The following KCNK12 variants were observed in gnomAD, a reference collection of about 807,000 sequenced individuals.
KCNK12 encodes potassium channel subfamily K member 12.
KCNK12 carries 6 observed loss-of-function variants against 25.3 expected under a neutral mutation model. The ratio of observed to expected loss-of-function variants is 0.24; its 90% CI spans 0.13 to 0.47. The LOEUF is 0.47. Among genes scored for constraint, KCNK12 ranks in the 20% least tolerant of loss-of-function variants. The pLI, the probability that KCNK12 is intolerant of heterozygous loss-of-function variation, is 0.99. For missense variants in KCNK12, 444 were observed against 661.7 expected, an observed-to-expected ratio of 0.67 and a Z score of 3.61; for synonymous variants, 331 against 311.1, an observed-to-expected ratio of 1.06 and a Z score of -0.67.
chr2:47,554,130 C>G (rs564960337), intron 1 of KCNK12, among the ~76,000 whole-genome samples: 3 of 152,272 alleles, frequency 2.0e-5, no homozygotes, highest in South Asian at 2.1e-4. Flanking sequence ...AAAATGGAAG[C>G]TTTGGAAGTT....
In KCNK12 at chr2:47,520,689, C is replaced by T; in HGVS notation, c.*218G>A. 2.6e-6 allele frequency: 1 copy of T among 388,416 alleles called. No homozygotes were observed. Among genetic ancestry groups the T allele is most frequent in the South Asian group, 1.4e-4 (1 of 6,988 alleles). The allele number at this position is 388,416 out of a possible 1,614,324, so 24.1% of individuals were successfully genotyped here. A position where few individuals can be genotyped will look rare whatever the true frequency, so the allele number is the denominator to read the frequency against. ...CTGAAGGAGAATCTGCTGGGGGCCA[C>T]GGTTCTCCAAGAGGGGACTCACAAG... On this transcript the variant is annotated 3_prime_UTR_variant, in exon 2 of 2. Coordinates refer to ENST00000327876, the MANE Select transcript of KCNK12 (RefSeq NM_022055.2). This position sits in a 1 kb window ranked among gnomAD's most constrained non-coding sequence, Gnocchi z 5.0.
intron 1 of KCNK12, chr2:47,563,149 C>T (rs2104891611): frequency 4.3e-6 from 1 of 233,320 alleles, no homozygotes; most frequent in Non-Finnish European, 8.5e-6. Context: ...CCAAGGCTAC[C>T]ACCACCATCT....
rs72812322 is a variant in KCNK12 at position 47,510,029 on chromosome 2, C to A, written c.*10878G>T. 1 of 152,242 alleles carries A rather than the reference C, an allele frequency of 6.6e-6. No individual in the cohort carries two copies. The highest frequency in any genetic ancestry group is 1.5e-5 in the Non-Finnish European group (1 of 68,068). The allele number at this position is 152,242 out of a possible 1,614,324, so 9.4% of individuals were successfully genotyped here. On this transcript the variant is annotated 3_prime_UTR_variant, in exon 2 of 2. Transcript: ENST00000327876. Reference sequence around the variant, plus strand: ...AAAGCACAACACTCTCTCCCTCCCTCCCTTATAGGTGGTGACGATCATGTG... The same window carrying A: ...AAAGCACAACACTCTCTCCCTCCCTACCTTATAGGTGGTGACGATCATGTG...
Position 47,540,272 on chromosome 2 carries a change from T to G in KCNK12, c.392-18464A>C, listed in dbSNP as rs902667240. On this transcript the variant is annotated intron_variant, in intron 1 of 1. Transcript: ENST00000327876. The surrounding 1 kb of genome is among the most constrained non-coding windows in gnomAD (Gnocchi z 5.4). Reference sequence around the variant, plus strand: ...CAGTGTCAACCCCCTCCCTCATGTGTGTACTCACAGCTACTCACTTTCCTA... The same window carrying G: ...CAGTGTCAACCCCCTCCCTCATGTGGGTACTCACAGCTACTCACTTTCCTA... Among the ~76,000 whole-genome samples the G allele has an allele frequency of 1.3e-5, 2 of 152,154 alleles. No individual in the cohort carries two copies. Among genetic ancestry groups the G allele is most frequent in the Non-Finnish European group, 2.9e-5 (2 of 68,032 alleles).
chr2:47,520,245 GACTA>G lies in KCNK12; in HGVS notation c.*658_*661del, dbSNP rs1486541873. On this transcript the variant is annotated 3_prime_UTR_variant, in exon 2 of 2. Transcript: ENST00000327876. The surrounding 1 kb of genome is among the most constrained non-coding windows in gnomAD (Gnocchi z 5.0). Reference sequence around the variant, plus strand: ...GCTGCCCTGTGCTCTGTGCTAAATGGACTAACTCTGAGCTGAGAAAGGCCAGCTA... The same window carrying G: ...GCTGCCCTGTGCTCTGTGCTAAATGGACTCTGAGCTGAGAAAGGCCAGCTA... 1 of 152,218 alleles carries G rather than the reference GACTA, an allele frequency of 6.6e-6. No homozygotes were observed. The highest frequency in any genetic ancestry group is 2.4e-5 in the African/African-American group (1 of 41,440). The allele number at this position is 152,218 out of a possible 1,614,324, so 9.4% of individuals were successfully genotyped here. A position where few individuals can be genotyped will look rare whatever the true frequency, so the allele number is the denominator to read the frequency against.
chr2:47,539,957 T>C (rs536683636), intron 1 of KCNK12, among the ~76,000 whole-genome samples: 2 of 152,106 alleles, frequency 1.3e-5, no homozygotes, highest in Non-Finnish European at 2.9e-5. Flanking sequence ...AGGGTTTAGG[T>C]TGATCCAGCC....
In KCNK12 at chr2:47,555,796, T is replaced by C. The variant is rs566157603; in HGVS notation, c.391+14145A>G. On this transcript the variant is annotated intron_variant, in intron 1 of 1. Transcript: ENST00000327876. This position sits in a 1 kb window ranked among gnomAD's most constrained non-coding sequence, Gnocchi z 4.5. ...GAGGACTGAGCATGGGGCCCTCTCA[T>C]ACTGAAAGGTCACATAGAGATCCAG... 1 of 152,284 alleles carries C rather than the reference T, an allele frequency of 6.6e-6. No homozygotes were observed. Among genetic ancestry groups the C allele is most frequent in the Admixed American group, 6.5e-5 (1 of 15,286 alleles). 9.4% of individuals were successfully genotyped at this position (152,284 alleles called of 1,614,324 possible).
intron 1 of KCNK12, among the ~76,000 whole-genome samples, chr2:47,550,176 A>G (rs1207020820): frequency 6.6e-6 from 1 of 152,138 alleles, no homozygotes; most frequent in African/African-American, 2.4e-5. Context: ...AGCAAAAATA[A>G]TATTTGAAGC....
chr2:47,510,455 A>T lies in KCNK12; in HGVS notation c.*10452T>A, dbSNP rs1221369772. ...TTGGCAGTTCCACTAGACTGCATGG[A>T]GATGGGTGGAGTTATCTAAAAGAAC... On this transcript the variant is annotated 3_prime_UTR_variant, in exon 2 of 2. Coordinates refer to ENST00000327876, the MANE Select transcript of KCNK12 (RefSeq NM_022055.2). 6.6e-6 allele frequency: 1 copy of T among 152,180 alleles called. No homozygotes were observed. Among genetic ancestry groups the T allele is most frequent in the Admixed American group, 6.5e-5 (1 of 15,286 alleles). 9.4% of individuals were successfully genotyped at this position (152,180 alleles called of 1,614,324 possible).
rs1306291246 is a variant in KCNK12, at chr2:47,529,519, C to A, written c.392-7711G>T. On this transcript the variant is annotated intron_variant, in intron 1 of 1. Transcript: ENST00000327876. The surrounding 1 kb of genome is among the most constrained non-coding windows in gnomAD (Gnocchi z 4.3). ...AATTTTTGTGGTGGGCACTGCAGCT[C>A]TCTCCTTACCAATCATTCTCCCAGC... 6.6e-6 allele frequency among the ~76,000 whole-genome samples: 1 copy of A among 152,180 alleles called. No homozygotes were observed. Among genetic ancestry groups the A allele is most frequent in the Non-Finnish European group, 1.5e-5 (1 of 68,034 alleles).
At chr2:47,553,421 G>A (rs905723622) in intron 1 of KCNK12, among the ~76,000 whole-genome samples, 1 of 152,096 alleles carries the variant, frequency 6.6e-6, no homozygotes, top group Admixed American at 6.5e-5. Flanking sequence ...GGGTGGGGGG[G>A]CACCCAGGAT....
chr2:47,555,664 C>T lies in KCNK12; in HGVS notation c.391+14277G>A, dbSNP rs1484615092. Among the ~76,000 whole-genome samples, 2 of 152,092 alleles carry T rather than the reference C, an allele frequency of 1.3e-5. No homozygotes were observed. Among genetic ancestry groups the T allele is most frequent in the Non-Finnish European group, 2.9e-5 (2 of 68,004 alleles). ...ATGTATATGCAATAAATCTTTTCTC[C>T]TATTAATCTGTCTTTTAATTCAGGG... On this transcript the variant is annotated intron_variant, in intron 1 of 1. Transcript: ENST00000327876. This position sits in a 1 kb window ranked among gnomAD's most constrained non-coding sequence, Gnocchi z 4.5.
chr2:47,544,315 C>T (rs1669265756), intron 1 of KCNK12, among the ~76,000 whole-genome samples: 1 of 152,244 alleles, frequency 6.6e-6, no homozygotes, highest in African/African-American at 2.4e-5. Context: ...AGAGCTGTCC[C>T]TCCAGCAAGG....
chr2:47,511,239 CAG>C lies in KCNK12; in HGVS notation c.*9666_*9667del, dbSNP rs1418989274. 3.3e-5 allele frequency among the ~76,000 whole-genome samples: 5 copies of C among 152,198 alleles called. No homozygotes were observed. Among genetic ancestry groups the C allele is most frequent in the African/African-American group, 4.8e-5 (2 of 41,454 alleles). The stretch of plus-strand genomic sequence containing the variant: ...ACTGAGCCTCATTTCCCTCTGTCTG[CAG>C]AGTCAAGCAAATCTTCCATTTTTTG... On this transcript the variant is annotated 3_prime_UTR_variant, in exon 2 of 2. Coordinates refer to ENST00000327876, the MANE Select transcript of KCNK12 (RefSeq NM_022055.2). The surrounding 1 kb of genome is among the most constrained non-coding windows in gnomAD (Gnocchi z 4.3).
Position 47,512,830 on chromosome 2 carries a change from A to G in KCNK12, c.*8077T>C. 1 of 180,568 alleles carries G rather than the reference A, an allele frequency of 5.5e-6. No homozygotes were observed. Among genetic ancestry groups the G allele is most frequent in the South Asian group, 1.2e-4 (1 of 8,374 alleles). The allele number at this position is 180,568 out of a possible 1,614,324, so 11.2% of individuals were successfully genotyped here. On this transcript the variant is annotated 3_prime_UTR_variant, in exon 2 of 2. Coordinates refer to ENST00000327876, the MANE Select transcript of KCNK12 (RefSeq NM_022055.2). ...CACTTCCTGTTTCCAGCTGAAGTCT[A>G]AATCAATCCACTATCAACAGGTAGC...
In KCNK12 at chr2:47,547,250, C is replaced by G. The variant is rs1028055815; in HGVS notation, c.391+22691G>C. ...TGGCTCCCACGAACACGCCCTGGGA[C>G]TCTGTGGTTCTAACCTTGACAGCAA... On this transcript the variant is annotated intron_variant, in intron 1 of 1. Transcript: ENST00000327876. The surrounding 1 kb of genome is among the most constrained non-coding windows in gnomAD (Gnocchi z 5.0). Among the ~76,000 whole-genome samples the G allele has an allele frequency of 2.0e-5, 3 of 152,158 alleles. No individual in the cohort carries two copies. The highest frequency in any genetic ancestry group is 6.5e-5 in the Admixed American group (1 of 15,274).
chr2:47,520,814 A>T lies in KCNK12; in HGVS notation c.*93T>A, dbSNP rs1366756634. On this transcript the variant is annotated 3_prime_UTR_variant, in exon 2 of 2. Transcript: ENST00000327876. The surrounding 1 kb of genome is among the most constrained non-coding windows in gnomAD (Gnocchi z 5.0). ...TTTTGTTTCATTTTATTGGATAAAG[A>T]TTAAGAAAGCGCCAGCAGTGACTGA... 3 of 908,024 alleles carry T rather than the reference A, an allele frequency of 3.3e-6. No individual in the cohort carries two copies. The highest frequency in any genetic ancestry group is 4.3e-6 in the Non-Finnish European group (3 of 691,708). The allele number at this position is 908,024 out of a possible 1,614,324, so 56.2% of individuals were successfully genotyped here. A position where few individuals can be genotyped will look rare whatever the true frequency, so the allele number is the denominator to read the frequency against.
In KCNK12 at chr2:47,514,316, C is replaced by T. The variant is rs180811961; in HGVS notation, c.*6591G>A. Among the ~76,000 whole-genome samples the T allele has an allele frequency of 2.0e-5, 3 of 152,236 alleles. No individual in the cohort carries two copies. Among genetic ancestry groups the T allele is most frequent in the African/African-American group, 4.8e-5 (2 of 41,468 alleles). ...GAATGCCTGGTGGACAGGGAGCCCT[C>T]AGCAGGCCGTACTGCAGCGCCCTGC... On this transcript the variant is annotated 3_prime_UTR_variant, in exon 2 of 2. Coordinates refer to ENST00000327876, the MANE Select transcript of KCNK12 (RefSeq NM_022055.2). The surrounding 1 kb of genome is among the most constrained non-coding windows in gnomAD (Gnocchi z 5.0).
At chr2:47,539,697 A>C (rs1669151830) in intron 1 of KCNK12, among the ~76,000 whole-genome samples, 1 of 152,180 alleles carries the variant, frequency 6.6e-6, no homozygotes, top group Admixed American at 6.5e-5. Context: ...TGCAGGAAAG[A>C]AGGGGGCACC....
Sources: allele counts gnomAD v4.1 joint callset (sites outside exome capture counted in the v4.1 genomes callset), GRCh38; gene constraint gnomAD v4.1.1; non-coding constraint Gnocchi (gnomAD v3.1); transcripts MANE v1.5; gene names NCBI Gene and HGNC (gene_info 2026-07-23, HGNC 2026-07-21).